The following NFIC variants were observed in gnomAD, a reference collection of about 807,000 sequenced individuals.
The protein encoded by NFIC is nuclear factor I C.
NFIC carries 12 observed loss-of-function variants against 54.4 expected under a neutral mutation model. The observed-to-expected ratio is 0.22, with a 90% CI of 0.14 to 0.36. The LOEUF is 0.36. Among genes scored for constraint, NFIC ranks in the 10% least tolerant of loss-of-function variants. NFIC has a pLI of 1.00. For synonymous variants in NFIC, 322 were observed against 319.2 expected (o/e 1.01, Z -0.09); for missense variants, 575 against 718.2 (o/e 0.80, Z 2.28).
intron 1 of NFIC, among the ~76,000 whole-genome samples, chr19:3,381,258 G>A (rs547837037): frequency 1.1e-4 from 16 of 152,136 alleles, no homozygotes; most frequent in African/African-American, 3.6e-4. Context: ...AGCTGGGCGT[G>A]GTGGTGGGCA....
At chr19:3,389,358 G>A (rs1023709228) in intron 2 of NFIC, among the ~76,000 whole-genome samples, 1 of 152,192 alleles carries the variant, frequency 6.6e-6, no homozygotes, top group Non-Finnish European at 1.5e-5. Context: ...TGAGGGGAGT[G>A]GAGGGTGGGA....
At position 3,463,210 on chromosome 19, in the gene NFIC, CAGCCTGG is replaced by C; in HGVS notation, c.*448_*454del. On this transcript the variant is annotated 3_prime_UTR_variant, in exon 11 of 11. Coordinates refer to ENST00000443272, the MANE Select transcript of NFIC (RefSeq NM_001245002.2). The stretch of plus-strand genomic sequence containing the variant: ...GCTCTGTCCGGAGACCAGGTGAGCA[CAGCCTGG>C]AGCCTGTGCCCAGGGCCGACAGGCG... 2 of 1,012,682 alleles carry C rather than the reference CAGCCTGG, an allele frequency of 2.0e-6. No homozygotes were observed. The highest frequency in any genetic ancestry group is 2.4e-6 in the Non-Finnish European group (2 of 848,416). 62.7% of individuals were successfully genotyped at this position (1,012,682 alleles called of 1,614,324 possible). A position where few individuals can be genotyped will look rare whatever the true frequency, so the allele number is the denominator to read the frequency against.
intron 2 of NFIC, among the ~76,000 whole-genome samples, chr19:3,400,755 T>C (rs145253484): frequency 0.025 from 3,740 of 152,202 alleles, 175 homozygotes; most frequent in African/African-American, 0.086. Flanking sequence ...GGCAGGAGAA[T>C]CGCTTGAACC....
chr19:3,462,539 CTG>C (rs2082657201), intron 10 of NFIC, among the ~76,000 whole-genome samples: 1 of 152,186 alleles, frequency 6.6e-6, no homozygotes, highest in African/African-American at 2.4e-5. Flanking sequence ...GCATCCTGTA[CTG>C]TGTCTGGAAG....
chr19:3,391,262 C>G (rs903681042), intron 2 of NFIC, among the ~76,000 whole-genome samples: 1 of 151,634 alleles, frequency 6.6e-6, no homozygotes, highest in African/African-American at 2.4e-5. Context: ...ACCAGAACCA[C>G]CCCCACCAAA....
intron 3 of NFIC, among the ~76,000 whole-genome samples, chr19:3,432,465 G>A (rs994593870): frequency 1.6e-4 from 25 of 152,082 alleles, no homozygotes; most frequent in African/African-American, 5.1e-4. Context: ...AGAGTATCTC[G>A]AAGGGTGACA....
intron 6 of NFIC, among the ~76,000 whole-genome samples, chr19:3,435,612 T>C (rs935886238): frequency 6.6e-6 from 1 of 152,106 alleles, no homozygotes; most frequent in Non-Finnish European, 1.5e-5. Flanking sequence ...TAGAAGGTCC[T>C]GAGATGCCGG....
chr19:3,380,111 C>T (rs2081177761), intron 1 of NFIC, among the ~76,000 whole-genome samples: 1 of 152,004 alleles, frequency 6.6e-6, no homozygotes, highest in Non-Finnish European at 1.5e-5. Flanking sequence ...TGCCAATCTC[C>T]TGCCTCAGCC....
chr19:3,424,468 C>T (rs999493173), intron 2 of NFIC, among the ~76,000 whole-genome samples: 24 of 152,168 alleles, frequency 1.6e-4, no homozygotes, highest in Admixed American at 9.8e-4. Context: ...CCTCCGCCTC[C>T]GAGGCTAAAG....
At chr19:3,389,363 G>T (rs569582512) in intron 2 of NFIC, among the ~76,000 whole-genome samples, 27 of 152,278 alleles carry the variant, frequency 1.8e-4, no homozygotes, top group Non-Finnish European at 3.5e-4. Context: ...GGAGTGGAGG[G>T]TGGGAAGGGG....
intron 2 of NFIC, among the ~76,000 whole-genome samples, chr19:3,416,977 G>A (rs1455449274): frequency 6.6e-6 from 1 of 151,478 alleles, no homozygotes; most frequent in African/African-American, 2.4e-5. Context: ...TCCGCCTGCC[G>A]GGTTCACGCC....
rs573640319 is a variant in NFIC at position 3,462,176 on chromosome 19, G to A, written c.1510-576G>A. The stretch of plus-strand genomic sequence containing the variant: ...GAAGGTGGATCACTTGAGGTCAGGC[G>A]TTTGAGACCAGCCTGGCCAACATGG... On this transcript the variant is annotated intron_variant, in intron 10 of 10. Coordinates refer to ENST00000443272, the MANE Select transcript of NFIC (RefSeq NM_001245002.2). Among the ~76,000 whole-genome samples, 3 of 152,112 alleles carry A rather than the reference G, an allele frequency of 2.0e-5. No individual in the cohort carries two copies. In the East Asian group the frequency reaches 5.8e-4, roughly 29 times the overall value.
At chr19:3,422,577 C>T (rs1482713327) in intron 2 of NFIC, among the ~76,000 whole-genome samples, 4 of 151,590 alleles carry the variant, frequency 2.6e-5, no homozygotes, top group East Asian at 2.0e-4. Context: ...ATTAGCCGGG[C>T]GTGGTGGCGG....
intron 3 of NFIC, among the ~76,000 whole-genome samples, chr19:3,425,918 C>CTTT (rs869165549): frequency 3.7e-5 from 2 of 54,532 alleles, no homozygotes; most frequent in Non-Finnish European, 6.3e-5. Flanking sequence ...CCATGCCTGG[C>CTTT]TTTTTTTTTT....
chr19:3,462,662 A>T, intron 10 of NFIC, 90 bp from the exon 11 acceptor site: 1 of 1,431,950 alleles, frequency 7.0e-7, no homozygotes, highest in Admixed American at 1.7e-5. Context: ...GAGCGTGGGA[A>T]GAGGTAAACC....
intron 2 of NFIC, among the ~76,000 whole-genome samples, chr19:3,400,188 G>A (rs1055583319): frequency 2.0e-5 from 3 of 151,174 alleles, no homozygotes; most frequent in Admixed American, 1.3e-4. Context: ...ATAAAAATTC[G>A]GCCCTGGCCA....
rs572365780 is a variant in NFIC, at chr19:3,414,891, G to A, written c.563-10215G>A. On this transcript the variant is annotated intron_variant, in intron 2 of 10. Transcript: ENST00000443272. ...GGCTCGCTCTGTGGCCCAGGCTGGA[G>A]TGCAATGGCATGATCTCGGCTCACT... 6.6e-5 allele frequency among the ~76,000 whole-genome samples: 10 copies of A among 152,192 alleles called. No individual in the cohort carries two copies. In the South Asian group the frequency reaches 2.1e-3, roughly 32 times the overall value.
At chr19:3,384,312 C>T (rs2081258783) in intron 2 of NFIC, among the ~76,000 whole-genome samples, 1 of 151,998 alleles carries the variant, frequency 6.6e-6, no homozygotes, top group African/African-American at 2.4e-5. Context: ...AGCCATCCTC[C>T]CACCTTGGCC....
chr19:3,435,011 CA>C, intron 5 of NFIC, 71 bp from the exon 6 acceptor site: 1 of 1,477,432 alleles, frequency 6.8e-7, no homozygotes. Flanking sequence ...CCGGAAGTAG[CA>C]AAGCCCGCCG....
Sources: allele counts gnomAD v4.1 joint callset (sites outside exome capture counted in the v4.1 genomes callset), GRCh38; gene constraint gnomAD v4.1.1; transcripts MANE v1.5; gene names NCBI Gene and HGNC (gene_info 2026-07-23, HGNC 2026-07-21).